The following CPQ variants were observed in gnomAD, a reference collection of about 807,000 sequenced individuals.
CPQ encodes the protein Ser-Met dipeptidase.
In CPQ, 37 loss-of-function variants were observed where a neutral mutation model predicts 45.7. The observed-to-expected ratio is 0.81, with a 90% CI of 0.62 to 1.07. CPQ has a LOEUF of 1.07. Ranked by LOEUF, CPQ falls within the 50% of genes least tolerant of loss-of-function variation. The pLI, the probability that CPQ is intolerant of heterozygous loss-of-function variation, is 0.00. For synonymous variants in CPQ, 186 were observed against 205.8 expected (o/e 0.90, Z 0.82); for missense variants, 537 against 572.9 (o/e 0.94, Z 0.64).
chr8:97,083,705 G>T (rs1810996070), intron 7 of CPQ, among the ~76,000 whole-genome samples: 1 of 152,116 alleles, frequency 6.6e-6, no homozygotes, highest in African/African-American at 2.4e-5. Context: ...ATGAGTGAAT[G>T]TATAAAAGCA....
At position 97,078,769 on chromosome 8, in the gene CPQ, C is replaced by CTCTCTT. The variant is rs1810894812; in HGVS notation, c.1255+12564_1255+12565insTTCTCT. 3.2e-5 allele frequency among the ~76,000 whole-genome samples: 3 copies of CTCTCTT among 93,248 alleles called. No individual in the cohort carries two copies. In the South Asian group the frequency reaches 9.8e-4, roughly 30 times the overall value. The allele number at this position is 93,248 out of a possible 152,430, so 61.2% of individuals were successfully genotyped here. On this transcript the variant is annotated intron_variant, in intron 7 of 7. Transcript: ENST00000220763. ...AATATGATATCATTTCCATTTCTCT[C>CTCTCTT]TCTCTCTCTCTCTCTCTCTCTCTCT...
At chr8:97,057,156 TC>T (rs1340477206) in intron 6 of CPQ, among the ~76,000 whole-genome samples, 1 of 152,122 alleles carries the variant, frequency 6.6e-6, no homozygotes, top group Non-Finnish European at 1.5e-5. Context: ...AACTGGGACT[TC>T]CTAGGGCAAA....
intron 5 of CPQ, among the ~76,000 whole-genome samples, chr8:96,985,389 C>G (rs1813998104): frequency 6.6e-6 from 1 of 151,994 alleles, no homozygotes; most frequent in African/African-American, 2.4e-5. Context: ...TCTCCCATGT[C>G]TCTCAATCTC....
In CPQ at chr8:96,750,588, CT is replaced by C. The variant is rs538164805; in HGVS notation, c.-34-34263del. Among the ~76,000 whole-genome samples, 671 of 130,242 alleles carry C rather than the reference CT, an allele frequency of 5.2e-3. 2 individuals carry two copies. Among genetic ancestry groups the C allele is most frequent in the African/African-American group, 0.015 (551 of 35,956 alleles). 85.4% of individuals were successfully genotyped at this position (130,242 alleles called of 152,430 possible). On this transcript the variant is annotated intron_variant, in intron 1 of 7. Coordinates refer to ENST00000220763, the MANE Select transcript of CPQ (RefSeq NM_016134.4). ...TGATTTTTGATTCCTGAGATCTTTT[CT>C]TTTTTTTTTTTTCCTGGTTTTCACT... is the stretch of plus-strand genomic sequence containing the variant.
At chr8:96,857,851 A>G (rs1811870469) in intron 3 of CPQ, among the ~76,000 whole-genome samples, 1 of 152,232 alleles carries the variant, frequency 6.6e-6, no homozygotes. Flanking sequence ...TATGCTGTCA[A>G]AAACTGAGTT....
intron 1 of CPQ, among the ~76,000 whole-genome samples, chr8:96,779,491 A>T (rs1810660100): frequency 6.6e-6 from 1 of 152,124 alleles, no homozygotes; most frequent in Admixed American, 6.6e-5. Context: ...CAGTCAAATT[A>T]CCTGGTTGAT....
intron 4 of CPQ, among the ~76,000 whole-genome samples, chr8:96,942,281 AT>A (rs1391720333): frequency 3.3e-5 from 5 of 152,080 alleles, no homozygotes; most frequent in African/African-American, 1.2e-4. Context: ...CTGAGTTTGG[AT>A]TTGCAAACCT....
intron 4 of CPQ, among the ~76,000 whole-genome samples, chr8:96,903,212 CTTGTACCCTGGG>C (rs1471083189): frequency 2.0e-5 from 3 of 152,192 alleles, no homozygotes; most frequent in Non-Finnish European, 4.4e-5. Context: ...CTTTCTAATC[CTTGTACCCTGGG>C]TTTACCCCTT....
intron 1 of CPQ, among the ~76,000 whole-genome samples, chr8:96,750,634 CTTTTA>C (rs1014094388): frequency 1.4e-4 from 20 of 140,112 alleles, no homozygotes; most frequent in Admixed American, 5.0e-4. Flanking sequence ...CTCTCTTCAA[CTTTTA>C]TTTTAAGTTC....
chr8:96,911,008 A>C (rs1472846439), intron 4 of CPQ, among the ~76,000 whole-genome samples: 6 of 151,956 alleles, frequency 3.9e-5, no homozygotes, highest in Non-Finnish European at 8.8e-5. Context: ...ATGCAGTAAA[A>C]AGAAATCGAT....
intron 7 of CPQ, among the ~76,000 whole-genome samples, chr8:97,085,431 T>C (rs1288763044): frequency 6.6e-6 from 1 of 151,522 alleles, no homozygotes; most frequent in Admixed American, 6.6e-5. Context: ...TCTGGAGCTA[T>C]GCCCTCTTTC....
chr8:97,007,659 C>T (rs1809406271), intron 5 of CPQ, among the ~76,000 whole-genome samples: 1 of 152,176 alleles, frequency 6.6e-6, no homozygotes, highest in Admixed American at 6.5e-5. Context: ...CAGGAAAACA[C>T]AGGCAGCCAG....
intron 4 of CPQ, among the ~76,000 whole-genome samples, chr8:96,915,677 T>A (rs1207990589): frequency 6.6e-6 from 1 of 152,146 alleles, no homozygotes; most frequent in Non-Finnish European, 1.5e-5. Flanking sequence ...GGGTCACGTA[T>A]CCCTGCTTTG....
intron 5 of CPQ, among the ~76,000 whole-genome samples, chr8:96,973,225 C>T (rs923757137): frequency 2.6e-5 from 4 of 151,652 alleles, no homozygotes; most frequent in African/African-American, 9.7e-5. Flanking sequence ...GCAAAATGCA[C>T]TGGAAAGTCT....
At chr8:97,074,405 G>A (rs1810807257) in intron 7 of CPQ, among the ~76,000 whole-genome samples, 1 of 152,202 alleles carries the variant, frequency 6.6e-6, no homozygotes, top group South Asian at 2.1e-4. Flanking sequence ...ATAACTGCAG[G>A]GGCACATAGG....
intron 7 of CPQ, among the ~76,000 whole-genome samples, chr8:97,085,918 A>G (rs1037771839): frequency 6.6e-6 from 1 of 152,218 alleles, no homozygotes; most frequent in Non-Finnish European, 1.5e-5. Flanking sequence ...AAAGGAAGTG[A>G]CCTACAAATT....
At chr8:96,764,489 G>A (rs924961951) in intron 1 of CPQ, among the ~76,000 whole-genome samples, 1 of 152,128 alleles carries the variant, frequency 6.6e-6, no homozygotes. Context: ...TATTTTAACT[G>A]TGATAATGGT....
chr8:97,069,047 A>G (rs1360440714), intron 7 of CPQ, among the ~76,000 whole-genome samples: 1 of 152,212 alleles, frequency 6.6e-6, no homozygotes, highest in Non-Finnish European at 1.5e-5. Flanking sequence ...CCTGGGAGAA[A>G]GGAGTTTGTT....
chr8:96,829,690 A>C (rs544183425), intron 2 of CPQ, among the ~76,000 whole-genome samples: 10 of 152,146 alleles, frequency 6.6e-5, no homozygotes, highest in Non-Finnish European at 1.2e-4. Flanking sequence ...TCTTCTTTAT[A>C]GGAAACTTCC....
Sources: allele counts gnomAD v4.1 joint callset (sites outside exome capture counted in the v4.1 genomes callset), GRCh38; gene constraint gnomAD v4.1.1; transcripts MANE v1.5; gene names NCBI Gene and HGNC (gene_info 2026-07-23, HGNC 2026-07-21).